Variants in NMNAT2 observed in about 807,000 individuals in gnomAD.
The protein encoded by NMNAT2 is nicotinamide nucleotide adenylyltransferase 2.
NMNAT2 carries 11 observed loss-of-function variants against 41.6 expected under a neutral mutation model. The ratio of observed to expected loss-of-function variants is 0.26; its 90% CI spans 0.17 to 0.44. The LOEUF (loss-of-function observed/expected upper bound fraction) is 0.44, where lower values mean the gene tolerates loss of function less well. Ranked by LOEUF, NMNAT2 falls within the 20% of genes least tolerant of loss-of-function variation. The pLI is 1.00. For synonymous variants in NMNAT2, 148 were observed against 151.2 expected (o/e 0.98, Z 0.16); for missense variants, 288 against 407.7 (o/e 0.71, Z 2.53).
intron 3 of NMNAT2, among the ~76,000 whole-genome samples, chr1:183,291,816 C>T (rs1239141735): frequency 1.3e-5 from 2 of 152,154 alleles, no homozygotes; most frequent in Admixed American, 6.5e-5. Flanking sequence ...CTGTTTCTCA[C>T]CTGAGAAAAA....
chr1:183,261,135 C>G (rs1031092429), intron 9 of NMNAT2, 66 bp from the exon 10 acceptor site: 1 of 1,600,554 alleles, frequency 6.2e-7, no homozygotes, highest in African/African-American at 1.3e-5. Flanking sequence ...CTCTCTCACT[C>G]CTCCAGCTGC....
At chr1:183,362,027 C>A (rs1663316977) in intron 1 of NMNAT2, among the ~76,000 whole-genome samples, 1 of 152,104 alleles carries the variant, frequency 6.6e-6, no homozygotes, top group African/African-American at 2.4e-5. Context: ...AACCTCTGAC[C>A]CCTAAGGTTC....
chr1:183,364,655 A>ATTTATTTCTTTCTTTCTTTC (rs897968005), intron 1 of NMNAT2, among the ~76,000 whole-genome samples: 3 of 142,976 alleles, frequency 2.1e-5, no homozygotes, highest in Non-Finnish European at 4.7e-5. Context: ...GGGGAGGATG[A>ATTTATTTCTTTCTTTCTTTC]TTTCTTTCTT....
chr1:183,268,094 G>T (rs1326950251), intron 8 of NMNAT2, among the ~76,000 whole-genome samples: 1 of 152,132 alleles, frequency 6.6e-6, no homozygotes, highest in African/African-American at 2.4e-5. Flanking sequence ...ATGTGGGAGG[G>T]GGTAGACTCT....
chr1:183,267,728 C>T (rs574191511), intron 8 of NMNAT2, among the ~76,000 whole-genome samples: 14 of 152,184 alleles, frequency 9.2e-5, no homozygotes, highest in Non-Finnish European at 1.2e-4. Flanking sequence ...TTTTTCTGCT[C>T]GAGGGGACCA....
intron 1 of NMNAT2, among the ~76,000 whole-genome samples, chr1:183,300,673 A>G (rs1209525813): frequency 6.6e-6 from 1 of 152,242 alleles, no homozygotes; most frequent in South Asian, 2.1e-4. Flanking sequence ...CTGCAAATCT[A>G]TAGTTATCTC....
At chr1:183,402,350 T>C (rs1310256722) in intron 1 of NMNAT2, among the ~76,000 whole-genome samples, 1 of 152,214 alleles carries the variant, frequency 6.6e-6, no homozygotes, top group African/African-American at 2.4e-5. Flanking sequence ...AATATTATCT[T>C]TCCTAAAATA....
At chr1:183,350,436 G>C (rs1239538752) in intron 1 of NMNAT2, among the ~76,000 whole-genome samples, 2 of 152,138 alleles carry the variant, frequency 1.3e-5, no homozygotes, top group East Asian at 3.9e-4. Context: ...AAAGAAAGAA[G>C]GGGCCCTCCT....
intron 1 of NMNAT2, among the ~76,000 whole-genome samples, chr1:183,316,806 G>A (rs1662261769): frequency 6.6e-6 from 1 of 152,188 alleles, no homozygotes; most frequent in Non-Finnish European, 1.5e-5. Flanking sequence ...TTATTCACTA[G>A]GTAAAATGTG....
At chr1:183,357,322 C>T (rs1460813844) in intron 1 of NMNAT2, among the ~76,000 whole-genome samples, 8 of 150,686 alleles carry the variant, frequency 5.3e-5, no homozygotes, top group Non-Finnish European at 8.8e-5. Context: ...CTCCGCCTCC[C>T]GGGTTCACAC....
chr1:183,384,829 G>A lies in NMNAT2; in HGVS notation c.85+33354C>T, dbSNP rs112368701. On this transcript the variant is annotated intron_variant, in intron 1 of 10. Coordinates refer to ENST00000287713, the MANE Select transcript of NMNAT2 (RefSeq NM_015039.4). ...CTGTGGTATATTGGGTGCCCTAGCA[G>A]TCACTAGTATAACTGAGTAGAGTGC... Among the ~76,000 whole-genome samples, 194 of 152,296 alleles carry A rather than the reference G, an allele frequency of 1.3e-3. 1 individual carries two copies. The highest frequency in any genetic ancestry group is 1.8e-3 in the Non-Finnish European group (121 of 68,022).
At chr1:183,386,374 T>C (rs1383067093) in intron 1 of NMNAT2, among the ~76,000 whole-genome samples, 1 of 152,168 alleles carries the variant, frequency 6.6e-6, no homozygotes, top group African/African-American at 2.4e-5. Context: ...TGAGGTGCCC[T>C]TTCAATTACC....
At chr1:183,375,954 T>G (rs1663669349) in intron 1 of NMNAT2, among the ~76,000 whole-genome samples, 1 of 152,210 alleles carries the variant, frequency 6.6e-6, no homozygotes, top group African/African-American at 2.4e-5. Flanking sequence ...GAGTATCTTT[T>G]TCATCTCCCA....
intron 8 of NMNAT2, chr1:183,266,910 A>G (rs973219932): frequency 2.4e-5 from 4 of 163,964 alleles, no homozygotes; most frequent in African/African-American, 9.6e-5. Flanking sequence ...TGCTTCATCT[A>G]TTCTGCGTTG....
rs186186048 is a variant in NMNAT2 at position 183,382,524 on chromosome 1, T to G, written c.85+35659A>C. Among the ~76,000 whole-genome samples, 161 of 152,324 alleles carry G rather than the reference T, an allele frequency of 1.1e-3. 2 individuals carry two copies. In the East Asian group the frequency reaches 0.028, roughly 26 times the overall value. Reference sequence around the variant, plus strand: ...AAAGTCTCATCTGAGACAAGGCAAGTCCCTTCCACCTATGAGCCTGTAAAT... The same window carrying G: ...AAAGTCTCATCTGAGACAAGGCAAGGCCCTTCCACCTATGAGCCTGTAAAT... On this transcript the variant is annotated intron_variant, in intron 1 of 10. Coordinates refer to ENST00000287713, the MANE Select transcript of NMNAT2 (RefSeq NM_015039.4).
At chr1:183,305,105 CTT>C (rs5779162) in intron 1 of NMNAT2, among the ~76,000 whole-genome samples, 8 of 140,238 alleles carry the variant, frequency 5.7e-5, no homozygotes, top group South Asian at 2.3e-4. Context: ...TTGAAAAAGC[CTT>C]TTTTTTTTTT....
At chr1:183,374,567 T>A (rs1663631649) in intron 1 of NMNAT2, among the ~76,000 whole-genome samples, 1 of 152,256 alleles carries the variant, frequency 6.6e-6, no homozygotes, top group Non-Finnish European at 1.5e-5. Context: ...TTTCTCCAGA[T>A]CTTAATTTAC....
chr1:183,401,669 C>T (rs1391024257), intron 1 of NMNAT2, among the ~76,000 whole-genome samples: 3 of 151,980 alleles, frequency 2.0e-5, no homozygotes, highest in East Asian at 3.9e-4. Flanking sequence ...CCAACCCAAA[C>T]GTCCATCAAT....
At chr1:183,297,383 CTTTTT>C (rs66514054) in intron 1 of NMNAT2, among the ~76,000 whole-genome samples, 4 of 143,430 alleles carry the variant, frequency 2.8e-5, no homozygotes, top group Non-Finnish European at 3.0e-5. Context: ...GGAAGGAACC[CTTTTT>C]TTTTTTTTTT....
Sources: allele counts gnomAD v4.1 joint callset (sites outside exome capture counted in the v4.1 genomes callset), GRCh38; gene constraint gnomAD v4.1.1; transcripts MANE v1.5; gene names NCBI Gene and HGNC (gene_info 2026-07-23, HGNC 2026-07-21).